Variants in WDR46 observed in about 807,000 individuals in gnomAD.
WDR46 encodes the protein WD repeat-containing protein 46.
In WDR46, 58 loss-of-function variants were observed where a neutral mutation model predicts 74.7. The ratio of observed to expected loss-of-function variants is 0.78; its 90% CI spans 0.63 to 0.97. The LOEUF is 0.97. Among genes scored for constraint, WDR46 ranks in the 50% least tolerant of loss-of-function variants. The pLI, the probability that WDR46 is intolerant of heterozygous loss-of-function variation, is 0.00. For missense variants in WDR46, 702 were observed against 790.1 expected, an observed-to-expected ratio of 0.89 and a Z score of 1.34; for synonymous variants, 278 against 297.3, an observed-to-expected ratio of 0.93 and a Z score of 0.67.
chr6:33,281,838 T>C (rs1766211654), intron 10 of WDR46, among the ~76,000 whole-genome samples: 1 of 130,552 alleles, frequency 7.7e-6, no homozygotes, highest in East Asian at 3.2e-4. Context: ...GAAGTTGGAG[T>C]TCCTTTTCTT....
Position 33,288,884 on chromosome 6 carries a change from A to T in WDR46, c.199T>A (p.Ser67Thr). The T allele has an allele frequency of 1.2e-6, 2 of 1,613,900 alleles. No homozygotes were observed. The highest frequency in any genetic ancestry group is 2.2e-5 in the South Asian group (2 of 91,066). The change falls in exon 2 of 15, where the codon TCT (serine) becomes ACT (threonine). Residue 67 changes from serine to threonine, a missense_variant. Physicochemically the swap from Ser to Thr is moderately conservative, Grantham distance 58. Coordinates refer to ENST00000374617, the MANE Select transcript of WDR46 (RefSeq NM_005452.6). The part of the protein sequence containing the change: ...RPKNAYILKK[S>T]RISKKPQVPK... Reference sequence around the variant, plus strand: ...ACCTGAGGCTTCTTAGAGATCCGAGACTTCTTTAAGATGTAAGCATTTTTT... The same window carrying T: ...ACCTGAGGCTTCTTAGAGATCCGAGTCTTCTTTAAGATGTAAGCATTTTTT...
Position 33,280,750 on chromosome 6 carries a change from A to C in WDR46, c.1353T>G (p.His451Gln). 1 of 1,613,210 alleles carries C rather than the reference A, an allele frequency of 6.2e-7. No individual in the cohort carries two copies. Among genetic ancestry groups the C allele is most frequent in the South Asian group, 1.1e-5 (1 of 90,982 alleles). ...YLTHRLSGPV[H>Q]GLQFCPFEDV... Reference sequence around the variant, plus strand: ...CTTCAAAGGGGCAGAACTGAAGGCCATGCACAGGGCCTGAGAGCCGGTGGG... The same window carrying C: ...CTTCAAAGGGGCAGAACTGAAGGCCCTGCACAGGGCCTGAGAGCCGGTGGG... The change falls in exon 11 of 15, where the codon CAT becomes CAG. Residue 451 changes from histidine (H) to glutamine (Q), a missense_variant. Transcript: ENST00000374617.
At chr6:33,288,064 A>G (rs528820312) in intron 5 of WDR46, 38 bp from the exon 6 acceptor site, 19 of 1,614,120 alleles carry the variant, frequency 1.2e-5, no homozygotes, top group Admixed American at 1.0e-4. Context: ...AGTGCCCTGC[A>G]GTAACGCCTT....
Position 33,287,122 on chromosome 6 carries a change from G to A in WDR46, c.984C>T (p.Tyr328=), listed in dbSNP as rs746685125. ...GRLDVMSQNP[Y]NAVIHLGHSN... ...TGTGTCCGAGATGGATGACGGCATT[G>A]TAAGGGTTCTGACTCATAACATCGA... The change falls in exon 9 of 15, where the codon TAC becomes TAT. Residue 328 remains tyrosine, a synonymous_variant. Transcript: ENST00000374617. 1 of 1,614,064 alleles carries A rather than the reference G, an allele frequency of 6.2e-7. No homozygotes were observed. The highest frequency in any genetic ancestry group is 8.5e-7 in the Non-Finnish European group (1 of 1,180,006).
intron 10 of WDR46, 125 bp from the exon 11 acceptor site, chr6:33,281,112 C>A: frequency 1.1e-6 from 1 of 917,322 alleles, no homozygotes; most frequent in Non-Finnish European, 1.6e-6. Context: ...ACTGCCATCA[C>A]CCTGAACACT....
chr6:33,287,423 A>G lies in WDR46; in HGVS notation c.811T>C (p.Cys271Arg), dbSNP rs762305506. 1.2e-6 allele frequency: 2 copies of G among 1,612,490 alleles called. No individual in the cohort carries two copies. The highest frequency in any genetic ancestry group is 1.7e-6 in the Non-Finnish European group (2 of 1,179,762). ...IYDNQGIELH[C>R]IRRCDRVTRL... ...GTTACTCGGTCACAGCGGCGGATAC[A>G]GTGGAGCTCAATGCCCTGATTGTCA... Residue 271 changes from cysteine (C) to arginine (R), a missense_variant, in exon 8 of 15, where the codon TGT (cysteine) becomes CGT (arginine). Transcript: ENST00000374617.
intron 10 of WDR46, among the ~76,000 whole-genome samples, chr6:33,286,103 T>C (rs1486410397): frequency 6.7e-6 from 1 of 149,630 alleles, no homozygotes; most frequent in African/African-American, 2.5e-5. Context: ...ATCACGCCAC[T>C]GCACTCCAAC....
Position 33,287,481 on chromosome 6 carries a change from A to T in WDR46, c.753T>A (p.Leu251=). 4 of 1,613,168 alleles carry T rather than the reference A, an allele frequency of 2.5e-6. No individual in the cohort carries two copies. Among genetic ancestry groups the T allele is most frequent in the Non-Finnish European group, 3.4e-6 (4 of 1,179,876 alleles). ...DIRFLHSEAL[L]AVAQNRWLHI... is the part of the protein sequence containing the mutation. ...GGAGCCAGCGGTTCTGAGCAACAGC[A>T]AGCAGTGCCTCAGAATGGAGAAACC... Residue 251 remains leucine (L), a synonymous_variant, in exon 8 of 15, where the codon CTT becomes CTA. Transcript: ENST00000374617.
rs1217891113 is a variant in WDR46 at position 33,279,831 on chromosome 6, G to C, written c.1553C>G (p.Pro518Arg). Residue 518 changes from proline (P) to arginine (R), a missense_variant, in exon 13 of 15, where the codon CCA (proline) becomes CGA (arginine). By Grantham distance (103) the Pro-to-Arg change is moderately radical (BLOSUM62 -2). Transcript: ENST00000374617. The stretch of plus-strand genomic sequence containing the variant: ...GACATCCACCTCGGCCAGGGCTCGT[G>C]GGTCCAGACAAATAAGCTCTGCAGG... ...KVPAELICLD[P>R]RALAEVDVIS... is the part of the protein sequence containing the mutation. 1 of 1,613,928 alleles carries C rather than the reference G, an allele frequency of 6.2e-7. No homozygotes were observed. Among genetic ancestry groups the C allele is most frequent in the Non-Finnish European group, 8.5e-7 (1 of 1,179,994 alleles).
In WDR46 at chr6:33,279,351, C is replaced by T; in HGVS notation, c.1758G>A (p.Gln586=). The T allele has an allele frequency of 1.9e-6, 3 of 1,614,138 alleles. No homozygotes were observed. The highest frequency in any genetic ancestry group is 2.2e-5 in the South Asian group (2 of 91,090). Residue 586 remains glutamine (Q), a synonymous_variant, in exon 15 of 15, where the codon CAG becomes CAA. Transcript: ENST00000374617. ...EHRDKVRQSL[Q]QQHHKEAKAK... ...CCTTCGCCTCCTTATGATGCTGCTG[C>T]TGAAGGCTCTGCCGGACCTTGTCCT...
At chr6:33,279,680 G>A (rs1765953382) in intron 13 of WDR46, 70 bp from the exon 14 acceptor site, 1 of 1,611,994 alleles carries the variant, frequency 6.2e-7, no homozygotes, top group African/African-American at 1.3e-5. Flanking sequence ...CCCACCTGCT[G>A]GCCGCACTTC....
At chr6:33,287,810 A>C in intron 6 of WDR46, 92 bp from the exon 7 acceptor site, 1 of 1,536,280 alleles carries the variant, frequency 6.5e-7, no homozygotes, top group East Asian at 2.3e-5. Context: ...CCATCTCTCC[A>C]GGCGGGCAGA....
intron 5 of WDR46, 35 bp downstream of exon 5, chr6:33,288,109 CCAAT>C: frequency 1.2e-6 from 2 of 1,614,136 alleles, no homozygotes; most frequent in East Asian, 4.5e-5. Flanking sequence ...TCCTGCACCA[CCAAT>C]CAATCCCTTG....
chr6:33,286,199 C>T (rs1385209221), intron 10 of WDR46, among the ~76,000 whole-genome samples: 2 of 151,924 alleles, frequency 1.3e-5, no homozygotes, highest in Admixed American at 6.6e-5. Flanking sequence ...ATAATCCCAG[C>T]ACTTTGGGAG....
At chr6:33,282,142 G>A (rs1362245328) in intron 10 of WDR46, among the ~76,000 whole-genome samples, 1 of 152,186 alleles carries the variant, frequency 6.6e-6, no homozygotes, top group Non-Finnish European at 1.5e-5. Context: ...CTTAGAGAGG[G>A]AAGCTGAAGG....
Position 33,287,483 on chromosome 6 carries a change from G to C in WDR46, c.751C>G (p.Leu251Val). ...DIRFLHSEAL[L>V]AVAQNRWLHI... ...AGCCAGCGGTTCTGAGCAACAGCAAGCAGTGCCTCAGAATGGAGAAACCTG... is the reference window on the plus strand; with the variant it reads ...AGCCAGCGGTTCTGAGCAACAGCAACCAGTGCCTCAGAATGGAGAAACCTG... Residue 251 changes from leucine (L) to valine (V), a missense_variant, in exon 8 of 15, where the codon CTT (leucine) becomes GTT (valine). Physicochemically the swap from Leu to Val is conservative, Grantham distance 32 (BLOSUM62 1). Transcript: ENST00000374617. 1.2e-6 allele frequency: 2 copies of C among 1,613,162 alleles called. No individual in the cohort carries two copies. Among genetic ancestry groups the C allele is most frequent in the Non-Finnish European group, 1.7e-6 (2 of 1,179,906 alleles).
chr6:33,282,711 A>G (rs1766292197), intron 10 of WDR46, among the ~76,000 whole-genome samples: 1 of 152,216 alleles, frequency 6.6e-6, no homozygotes, highest in Non-Finnish European at 1.5e-5. Flanking sequence ...CAAGGTGTTG[A>G]TTAAACTTCA....
chr6:33,288,109 C>T (rs1192961433), intron 5 of WDR46, 39 bp downstream of exon 5: 2 of 1,614,018 alleles, frequency 1.2e-6, no homozygotes, highest in African/African-American at 1.3e-5. Context: ...TCCTGCACCA[C>T]CAATCAATCC....
intron 10 of WDR46, among the ~76,000 whole-genome samples, chr6:33,286,073 G>A (rs1475282588): frequency 5.3e-5 from 8 of 151,710 alleles, no homozygotes; most frequent in Middle Eastern, 3.2e-3. Context: ...TCTGGGAGGC[G>A]GAGGTTGCAG....
Sources: gnomAD v4.1 joint callset for allele counts (sites outside exome capture counted in the v4.1 genomes callset) on GRCh38, gnomAD v4.1.1 for gene constraint, MANE v1.5 for transcripts, NCBI Gene and HGNC (gene_info 2026-07-23, HGNC 2026-07-21) for gene names.